The following CELF2 variants were observed in gnomAD, a reference collection of about 807,000 sequenced individuals.
CELF2 encodes CUG triplet repeat RNA-binding protein 2.
A neutral mutation model predicts 62.6 loss-of-function variants in CELF2; 8 were observed. That is an observed-to-expected ratio of 0.13 (90% CI 0.07 to 0.23). The LOEUF is 0.23. CELF2 is among the 10% of genes least tolerant of loss of function. The probability of loss-of-function intolerance (pLI) is 1.00; values close to 1 mark genes in which losing one functional copy is unlikely to be tolerated. For synonymous variants in CELF2, 258 were observed against 250.0 expected (o/e 1.03, Z -0.30); for missense variants, 333 against 671.0 (o/e 0.50, Z 5.56).
upstream of CELF2, among the ~76,000 whole-genome samples, chr10:11,016,389 G>C (rs1424578489): frequency 6.6e-6 from 1 of 152,154 alleles, no homozygotes; most frequent in African/African-American, 2.4e-5. The surrounding 1 kb of genome is among the most constrained non-coding windows in gnomAD (Gnocchi z 5.2). Context: ...AATGATCTTG[G>C]AAATAGAAGG....
chr10:10,473,491 C>T, the CELF2 span, among the ~76,000 whole-genome samples: 1 of 152,020 alleles, frequency 6.6e-6, no homozygotes, highest in Non-Finnish European at 1.5e-5. Context: ...GAAACTAATA[C>T]AAGTACTATT....
chr10:10,690,316 C>T, the CELF2 span, among the ~76,000 whole-genome samples: 1 of 152,320 alleles, frequency 6.6e-6, no homozygotes, highest in South Asian at 2.1e-4. Context: ...GAGTTAGAGG[C>T]TTGAGTTTGC....
At chr10:11,284,627 T>A (rs1271514583) in intron 8 of CELF2, among the ~76,000 whole-genome samples, 1 of 145,872 alleles carries the variant, frequency 6.9e-6, no homozygotes, top group East Asian at 2.0e-4. Context: ...GGTGGGAGGA[T>A]CCATACCACA....
rs1312232898 is a variant in CELF2 at position 11,318,655 on chromosome 10, G to C, written c.1097-2534G>C. The stretch of plus-strand genomic sequence containing the variant: ...CTGAAACATCCATCCAGTATTTCAA[G>C]AGCAGGAGCTGTGTTCTGCTTCTGC... On this transcript the variant is annotated intron_variant, in intron 10 of 12. Coordinates refer to ENST00000633077, the MANE Select transcript of CELF2 (RefSeq NM_001326342.2). This position sits in a 1 kb window ranked among gnomAD's most constrained non-coding sequence, Gnocchi z 5.4. The C allele has an allele frequency of 2.5e-6, 1 of 403,048 alleles. No homozygotes were observed. The highest frequency in any genetic ancestry group is 2.1e-5 in the African/African-American group (1 of 47,680). The allele number at this position is 403,048 out of a possible 1,614,324, so 25.0% of individuals were successfully genotyped here. A position where few individuals can be genotyped will look rare whatever the true frequency, so the allele number is the denominator to read the frequency against.
At chr10:10,741,436 G>A in the CELF2 span, among the ~76,000 whole-genome samples, 5 of 149,616 alleles carry the variant, frequency 3.3e-5, no homozygotes, top group African/African-American at 7.4e-5. Context: ...GCTTGAACTC[G>A]GGAGGGAGAG....
At chr10:11,051,690 A>G (rs1323490104) in intron 1 of CELF2, among the ~76,000 whole-genome samples, 3 of 152,166 alleles carry the variant, frequency 2.0e-5, no homozygotes, top group Admixed American at 1.3e-4. Flanking sequence ...TACAATTACA[A>G]GCTAGTTTAA....
the CELF2 span, among the ~76,000 whole-genome samples, chr10:10,724,665 A>AAAG: frequency 6.7e-6 from 1 of 149,670 alleles, no homozygotes; most frequent in African/African-American, 2.5e-5. Flanking sequence ...CAAAAAAAAA[A>AAAG]AAAAAGAAAA....
intron 2 of CELF2, among the ~76,000 whole-genome samples, chr10:10,943,941 G>A (rs2047350593): frequency 2.6e-5 from 4 of 152,120 alleles, no homozygotes; most frequent in Admixed American, 2.6e-4. Context: ...ACTTGACCAT[G>A]TGAGGGTGGA....
intron 1 of CELF2, among the ~76,000 whole-genome samples, chr10:10,825,746 C>G (rs535243506): frequency 4.6e-5 from 7 of 152,128 alleles, no homozygotes; most frequent in Non-Finnish European, 8.8e-5. Context: ...GGCTGTGTCC[C>G]CACCTGCCTA....
rs140342658 is a variant in CELF2 at position 10,872,355 on chromosome 10, T to G, written c.54-47609T>G. On this transcript the variant is annotated intron_variant, in intron 1 of 13. Transcript: ENST00000636488. The stretch of plus-strand genomic sequence containing the variant: ...AATTAACTTCTCACTTGTTTTTAAA[T>G]GACTTTGAGATACAAAGGAAGAAAA... Among the ~76,000 whole-genome samples the G allele has an allele frequency of 2.0e-5, 3 of 152,306 alleles. No homozygotes were observed. The East Asian group carries it at 5.8e-4, about 29-fold the overall frequency.
intron 1 of CELF2, among the ~76,000 whole-genome samples, chr10:11,026,235 T>C (rs2059181301): frequency 6.6e-6 from 1 of 152,186 alleles, no homozygotes; most frequent in Admixed American, 6.5e-5. Flanking sequence ...CCTGTTGCTG[T>C]TGAAAGGGGT....
At chr10:10,920,630 T>G (rs1365303626) in intron 2 of CELF2, among the ~76,000 whole-genome samples, 1 of 151,612 alleles carries the variant, frequency 6.6e-6, no homozygotes, top group African/African-American at 2.4e-5. Flanking sequence ...ATTAACAGAA[T>G]GCAAGCTCTA....
the CELF2 span, among the ~76,000 whole-genome samples, chr10:10,615,927 A>T: frequency 6.6e-6 from 1 of 152,204 alleles, no homozygotes; most frequent in Non-Finnish European, 1.5e-5. Context: ...GTTCCTAAGA[A>T]CAAGAAAGCT....
chr10:10,896,026 G>A (rs1307481232), intron 1 of CELF2, among the ~76,000 whole-genome samples: 2 of 152,192 alleles, frequency 1.3e-5, no homozygotes, highest in African/African-American at 4.8e-5. Context: ...CTAGAGAGCT[G>A]AGAGCTATGT....
At position 11,300,842 on chromosome 10, in the gene CELF2, A is replaced by G. The variant is rs2093650093; in HGVS notation, c.976+12290A>G. ...GGCGATTTTCTCCGTGTTTACAATG[A>G]TTTTATTTCCTAAACCACAAAGCCA... On this transcript the variant is annotated intron_variant, in intron 9 of 12. Transcript: ENST00000633077. This position sits in a 1 kb window ranked among gnomAD's most constrained non-coding sequence, Gnocchi z 5.5. 6.6e-6 allele frequency among the ~76,000 whole-genome samples: 1 copy of G among 151,832 alleles called. No individual in the cohort carries two copies. Among genetic ancestry groups the G allele is most frequent in the African/African-American group, 2.4e-5 (1 of 41,114 alleles).
chr10:11,121,381 A>T (rs1361605165), intron 1 of CELF2, among the ~76,000 whole-genome samples: 1 of 152,156 alleles, frequency 6.6e-6, no homozygotes, highest in Non-Finnish European at 1.5e-5. Context: ...ATGCCAAACC[A>T]TTAAGCAGCA....
the CELF2 span, among the ~76,000 whole-genome samples, chr10:10,765,489 G>A: frequency 6.6e-6 from 1 of 152,284 alleles, no homozygotes; most frequent in Admixed American, 6.5e-5. Context: ...ACACTTACCT[G>A]TGCCCTTGCG....
intron 1 of CELF2, among the ~76,000 whole-genome samples, chr10:10,869,819 T>G (rs2060622751): frequency 1.3e-5 from 2 of 152,214 alleles, no homozygotes; most frequent in South Asian, 4.1e-4. Flanking sequence ...CCATGAGTCA[T>G]TACAAAAATT....
Position 11,224,386 on chromosome 10 carries a change from G to T in CELF2, c.354+6879G>T, listed in dbSNP as rs1178421928. On this transcript the variant is annotated intron_variant, in intron 3 of 12. Coordinates refer to ENST00000633077, the MANE Select transcript of CELF2 (RefSeq NM_001326342.2). This position sits in a 1 kb window ranked among gnomAD's most constrained non-coding sequence, Gnocchi z 4.5. ...GAGGGGATGGTAGGATGGTACAATG[G>T]CAAAATGAAGCCATAGTTAGATTTC... Among the ~76,000 whole-genome samples the T allele has an allele frequency of 6.6e-6, 1 of 152,120 alleles. No individual in the cohort carries two copies. Among genetic ancestry groups the T allele is most frequent in the African/African-American group, 2.4e-5 (1 of 41,408 alleles).
Sources: allele counts gnomAD v4.1 joint callset (sites outside exome capture counted in the v4.1 genomes callset), GRCh38; gene constraint gnomAD v4.1.1; non-coding constraint Gnocchi (gnomAD v3.1); transcripts MANE v1.5; gene names NCBI Gene and HGNC (gene_info 2026-07-23, HGNC 2026-07-21).